The following APBA1 variants were observed in gnomAD, a reference collection of about 807,000 sequenced individuals.
APBA1 encodes the protein amyloid-beta A4 precursor protein-binding family A member 1.
APBA1 carries 55 observed loss-of-function variants against 86.6 expected under a neutral mutation model. The observed-to-expected ratio is 0.64, with a 90% CI of 0.51 to 0.80. The LOEUF (loss-of-function observed/expected upper bound fraction) is 0.80. APBA1 is among the 30% of genes least tolerant of loss of function. The probability of loss-of-function intolerance (pLI) is 0.00; values close to 1 mark genes in which losing one functional copy is unlikely to be tolerated. For missense variants in APBA1, 1,090 were observed against 1,183.0 expected, an observed-to-expected ratio of 0.92 and a Z score of 1.15; for synonymous variants, 511 against 493.9, an observed-to-expected ratio of 1.03 and a Z score of -0.46.
At chr9:69,658,237 T>TTTCC (rs1322764602) in intron 1 of APBA1, among the ~76,000 whole-genome samples, 2 of 17,736 alleles carry the variant, frequency 1.1e-4, no homozygotes. Flanking sequence ...TCTTTCTTTC[T>TTTCC]TTCTTTCTTT....
chr9:69,621,182 G>A (rs774409815), intron 1 of APBA1, among the ~76,000 whole-genome samples: 19 of 152,274 alleles, frequency 1.2e-4, no homozygotes, highest in African/African-American at 4.6e-4. Flanking sequence ...CTAAAAATAC[G>A]GAAACCTAAA....
Position 69,601,595 on chromosome 9 carries a change from A to G in APBA1, c.-70+70558T>C, listed in dbSNP as rs374733724. The stretch of plus-strand genomic sequence containing the variant: ...AGAGATGGCATTAATCTGTTTTGAC[A>G]AAGTTTGCTCTCTGCAGAGTAACAG... On this transcript the variant is annotated intron_variant, in intron 1 of 12. Transcript: ENST00000265381. 2.8e-4 allele frequency among the ~76,000 whole-genome samples: 43 copies of G among 152,366 alleles called. No individual in the cohort carries two copies. The South Asian group carries it at 8.5e-3, about 30-fold the overall frequency.
intron 1 of APBA1, among the ~76,000 whole-genome samples, chr9:69,629,891 G>A (rs754452946): frequency 1.3e-5 from 2 of 152,122 alleles, no homozygotes; most frequent in Non-Finnish European, 2.9e-5. Flanking sequence ...ATATTAGTGA[G>A]GTCCTACTCC....
intron 1 of APBA1, among the ~76,000 whole-genome samples, chr9:69,562,241 T>C (rs1344956430): frequency 6.6e-6 from 1 of 151,986 alleles, no homozygotes; most frequent in Non-Finnish European, 1.5e-5. Context: ...TCAACAACAA[T>C]AACAAAAGAT....
intron 9 of APBA1, among the ~76,000 whole-genome samples, chr9:69,451,772 G>C (rs1835013883): frequency 6.6e-6 from 1 of 152,130 alleles, no homozygotes; most frequent in Non-Finnish European, 1.5e-5. Flanking sequence ...TTTGATTAGT[G>C]CCTGTACCTG....
chr9:69,609,972 G>A (rs948534847), intron 1 of APBA1, among the ~76,000 whole-genome samples: 6 of 152,098 alleles, frequency 3.9e-5, no homozygotes, highest in Non-Finnish European at 5.9e-5. Context: ...CCTTTGGTGA[G>A]TCCTTATTGA....
upstream of APBA1, chr9:69,672,659 CCCT>C (rs1823981207): frequency 6.6e-6 from 1 of 151,598 alleles, no homozygotes; most frequent in African/African-American, 2.4e-5. Flanking sequence ...CTCTCGCCTT[CCCT>C]CGCGTCCGGG....
At chr9:69,472,476 C>T (rs1835381871) in intron 3 of APBA1, 1 of 152,154 alleles carries the variant, frequency 6.6e-6, no homozygotes, top group Admixed American at 6.5e-5. Context: ...AAAAATTCAC[C>T]CCTGCTTCCA....
At chr9:69,617,699 C>A (rs994387083) in intron 1 of APBA1, among the ~76,000 whole-genome samples, 1 of 152,138 alleles carries the variant, frequency 6.6e-6, no homozygotes, top group East Asian at 1.9e-4. Flanking sequence ...TACTGTTCAG[C>A]CAGACAACTG....
At chr9:69,617,779 C>A (rs1243265756) in intron 1 of APBA1, among the ~76,000 whole-genome samples, 2 of 152,116 alleles carry the variant, frequency 1.3e-5, no homozygotes, top group African/African-American at 4.8e-5. Context: ...ATGAAATTTA[C>A]CGATTTAACC....
At chr9:69,522,380 C>T (rs897431523) in intron 1 of APBA1, among the ~76,000 whole-genome samples, 3 of 145,420 alleles carry the variant, frequency 2.1e-5, no homozygotes, top group African/African-American at 7.6e-5. Flanking sequence ...GAACTCATTT[C>T]TTCTTTCTAT....
intron 1 of APBA1, 72 bp from the exon 2 acceptor site, chr9:69,517,351 C>G: frequency 7.6e-7 from 1 of 1,308,706 alleles, no homozygotes; most frequent in Non-Finnish European, 9.7e-7. Context: ...TTCAGATAAC[C>G]ATAAAAACAA....
At position 69,432,609 on chromosome 9, in the gene APBA1, T is replaced by C; in HGVS notation, c.2369A>G (p.Glu790Gly). 6.2e-7 allele frequency: 1 copy of C among 1,606,884 alleles called. No individual in the cohort carries two copies. Among genetic ancestry groups the C allele is most frequent in the East Asian group, 2.3e-5 (1 of 43,948 alleles). The part of the protein sequence containing the change: ...GGVRVGHRII[E>G]INGQSVVATP... ...GGCCACGACGCTCTGTCCATTGATTTCAATGATCCGGTGCCCCACACGGAC... is the reference window on the plus strand; with the variant it reads ...GGCCACGACGCTCTGTCCATTGATTCCAATGATCCGGTGCCCCACACGGAC... Residue 790 changes from glutamate (E) to glycine (G), a missense_variant, in exon 12 of 13, where the codon GAA becomes GGA. Around this residue, in one of 6 missense-constraint regions of APBA1, gnomAD observed 119 missense variants for 124.8 expected, o/e 0.95. Coordinates refer to ENST00000265381, the MANE Select transcript of APBA1 (RefSeq NM_001163.4).
At chr9:69,638,492 C>T (rs1204290774) in intron 1 of APBA1, among the ~76,000 whole-genome samples, 3 of 152,148 alleles carry the variant, frequency 2.0e-5, no homozygotes, top group African/African-American at 7.2e-5. Flanking sequence ...CTGTCCACCT[C>T]GACCTCCCAA....
rs191426205 is a variant in APBA1, at chr9:69,457,283, T to C, written c.1516-144A>G. On this transcript the variant is annotated intron_variant, in intron 6 of 12. Coordinates refer to ENST00000265381, the MANE Select transcript of APBA1 (RefSeq NM_001163.4). The stretch of plus-strand genomic sequence containing the variant: ...GACTCTAGGGTTAAACTGCCAAAGC[T>C]GAAGTTACCACACAGAGGATGGACA... 446 of 627,824 alleles carry C rather than the reference T, an allele frequency of 7.1e-4. 2 individuals are homozygous for C. Among genetic ancestry groups the C allele is most frequent in the Middle Eastern group, 6.1e-3 (17 of 2,768 alleles). The allele number at this position is 627,824 out of a possible 1,614,324, so 38.9% of individuals were successfully genotyped here. A position where few individuals can be genotyped will look rare whatever the true frequency, so the allele number is the denominator to read the frequency against.
chr9:69,481,957 T>C (rs1293780138), intron 2 of APBA1, among the ~76,000 whole-genome samples: 4 of 150,952 alleles, frequency 2.6e-5, no homozygotes, highest in African/African-American at 9.8e-5. Context: ...TTACACCTTA[T>C]ACAAAAATCA....
At chr9:69,458,865 G>A (rs1419635448) in intron 5 of APBA1, among the ~76,000 whole-genome samples, 1 of 151,166 alleles carries the variant, frequency 6.6e-6, no homozygotes, top group Non-Finnish European at 1.5e-5. Context: ...GGAGTGCAAT[G>A]GCATGATCTT....
intron 2 of APBA1, 87 bp downstream of exon 2, chr9:69,515,924 C>A: frequency 7.2e-7 from 1 of 1,384,900 alleles, no homozygotes; most frequent in South Asian, 1.6e-5. Flanking sequence ...CCCGTAAAGT[C>A]ACTACCCAAG....
At chr9:69,476,177 T>C (rs1266040173) in intron 2 of APBA1, 34 bp from the exon 3 acceptor site, 2 of 1,522,060 alleles carry the variant, frequency 1.3e-6, no homozygotes, top group South Asian at 1.2e-5. Flanking sequence ...CAGTGAGAAC[T>C]TGAGAGACTC....
Sources: allele counts gnomAD v4.1 joint callset (sites outside exome capture counted in the v4.1 genomes callset), GRCh38; gene constraint gnomAD v4.1.1; regional missense constraint gnomAD v4.1.1; transcripts MANE v1.5; gene names NCBI Gene and HGNC (gene_info 2026-07-23, HGNC 2026-07-21).